DENND1A: variants seen among roughly 807,000 people sequenced by gnomAD.
DENND1A encodes the protein DENN domain-containing protein 1A.
In DENND1A, 51 loss-of-function variants were observed where a neutral mutation model predicts 113.7. That is an observed-to-expected ratio of 0.45 (90% confidence interval 0.36 to 0.57). DENND1A has a LOEUF of 0.57. Ranked by LOEUF, DENND1A falls within the 20% of genes least tolerant of loss-of-function variation. The probability of loss-of-function intolerance (pLI) is 0.00; values close to 1 mark genes in which losing one functional copy is unlikely to be tolerated. For synonymous variants in DENND1A, 565 were observed against 570.8 expected (o/e 0.99, Z 0.14); for missense variants, 1,258 against 1,395.9 (o/e 0.90, Z 1.57).
chr9:123,641,746 A>G (rs745579739), intron 9 of DENND1A, among the ~76,000 whole-genome samples: 1 of 152,166 alleles, frequency 6.6e-6, no homozygotes, highest in Non-Finnish European at 1.5e-5. Context: ...AAGAATAAAT[A>G]TTGTTTTTGT....
chr9:123,841,514 A>G (rs1841833893), intron 2 of DENND1A, among the ~76,000 whole-genome samples: 1 of 152,184 alleles, frequency 6.6e-6, no homozygotes, highest in Non-Finnish European at 1.5e-5. Flanking sequence ...CTGGGTGATC[A>G]CTACCCTCAC....
chr9:123,506,367 A>G (rs894039779), intron 13 of DENND1A, among the ~76,000 whole-genome samples: 1 of 152,096 alleles, frequency 6.6e-6, no homozygotes. Flanking sequence ...GCGGATCACT[A>G]GGTCAAGAGA....
rs1554794433 is a variant in DENND1A, at chr9:123,391,761, G to GAGAAAAA, written c.1632-3904_1632-3903insTTTTTCT. Among the ~76,000 whole-genome samples the GAGAAAAA allele has an allele frequency of 1.6e-4, 18 of 110,380 alleles. 2 individuals carry two copies. In the South Asian group the frequency reaches 5.2e-3, roughly 32 times the overall value. 72.4% of individuals were successfully genotyped at this position (110,380 alleles called of 152,430 possible). On this transcript the variant is annotated intron_variant, in intron 21 of 23. Transcript: ENST00000394215. ...TTTTTATTAGCTTAAGGCAGAATAT[G>GAGAAAAA]AAAAAAAAAAAAAAAAAAAGCACCT... is the stretch of plus-strand genomic sequence containing the variant.
At chr9:123,546,301 C>A (rs2056676255) in intron 13 of DENND1A, among the ~76,000 whole-genome samples, 5 of 152,138 alleles carry the variant, frequency 3.3e-5, no homozygotes, top group Admixed American at 3.3e-4. Context: ...GTAATCCCAG[C>A]ACTTTGGGAG....
intron 9 of DENND1A, among the ~76,000 whole-genome samples, chr9:123,644,802 TTATTCCG>T (rs749715047): frequency 1.3e-5 from 2 of 152,228 alleles, no homozygotes; most frequent in Admixed American, 6.5e-5. Context: ...CTTGGGCAAG[TTATTCCG>T]CCTTTCCAAA....
chr9:123,581,741 C>G (rs909912894), intron 12 of DENND1A, among the ~76,000 whole-genome samples: 3 of 152,198 alleles, frequency 2.0e-5, no homozygotes, highest in Non-Finnish European at 4.4e-5. Flanking sequence ...TGCACCAATG[C>G]CCACCAGGTA....
chr9:123,607,901 G>A (rs1429680239), intron 11 of DENND1A, among the ~76,000 whole-genome samples: 4 of 152,088 alleles, frequency 2.6e-5, no homozygotes, highest in Non-Finnish European at 5.9e-5. Flanking sequence ...GGAGGGAACT[G>A]TGGACTCCGA....
intron 21 of DENND1A, among the ~76,000 whole-genome samples, chr9:123,398,916 T>C (rs899697525): frequency 1.3e-5 from 2 of 151,472 alleles, no homozygotes; most frequent in Non-Finnish European, 2.9e-5. Flanking sequence ...TGCCTCAGCC[T>C]CCCTAGTAAC....
rs565102947 is a variant in DENND1A at position 123,540,740 on chromosome 9, C to T, written c.993+16830G>A. On this transcript the variant is annotated intron_variant, in intron 13 of 23. Transcript: ENST00000394215. ...TACATGCTGCTGACAGCAGGGAGTA[C>T]GGCAAAAATGTTTTCTGTACCCCAG... 7.0e-4 allele frequency among the ~76,000 whole-genome samples: 106 copies of T among 152,106 alleles called. 1 individual carries two copies. Among genetic ancestry groups the T allele is most frequent in the Non-Finnish European group, 1.3e-3 (89 of 68,020 alleles).
intron 2 of DENND1A, among the ~76,000 whole-genome samples, chr9:123,799,782 C>T (rs1834338698): frequency 6.6e-6 from 1 of 152,058 alleles, no homozygotes; most frequent in South Asian, 2.1e-4. Flanking sequence ...CATTAAACAC[C>T]CTGTGTCTCC....
At chr9:123,550,842 T>C (rs1564700357) in intron 13 of DENND1A, among the ~76,000 whole-genome samples, 1 of 152,216 alleles carries the variant, frequency 6.6e-6, no homozygotes, top group African/African-American at 2.4e-5. Context: ...TGCAATCTTC[T>C]ACCATGCAGA....
chr9:123,820,820 T>C (rs1172294880), intron 2 of DENND1A, among the ~76,000 whole-genome samples: 2 of 152,246 alleles, frequency 1.3e-5, no homozygotes, highest in African/African-American at 4.8e-5. Context: ...ATTGATTTTC[T>C]TGTGGAGCTT....
chr9:123,497,240 G>A (rs1335268639), intron 13 of DENND1A, among the ~76,000 whole-genome samples: 1 of 152,194 alleles, frequency 6.6e-6, no homozygotes, highest in East Asian at 1.9e-4. Context: ...GCCCAACACA[G>A]GGCCAGGCAC....
At chr9:123,389,092 C>T (rs751709670) in intron 21 of DENND1A, among the ~76,000 whole-genome samples, 13 of 152,114 alleles carry the variant, frequency 8.5e-5, no homozygotes, top group Non-Finnish European at 1.5e-5. Flanking sequence ...GCAACGTGTC[C>T]AAAAAAAGGA....
chr9:123,806,813 G>A (rs1396459936), intron 2 of DENND1A, among the ~76,000 whole-genome samples: 2 of 152,058 alleles, frequency 1.3e-5, no homozygotes, highest in Non-Finnish European at 2.9e-5. Context: ...AAAAAAAGAA[G>A]GAATGAAGGA....
At chr9:123,545,393 T>C (rs1270527419) in intron 13 of DENND1A, among the ~76,000 whole-genome samples, 1 of 152,036 alleles carries the variant, frequency 6.6e-6, no homozygotes, top group Non-Finnish European at 1.5e-5. Context: ...GATATCATAA[T>C]GTCCTATACA....
intron 11 of DENND1A, among the ~76,000 whole-genome samples, chr9:123,600,051 T>C (rs1188195682): frequency 2.0e-5 from 3 of 152,136 alleles, no homozygotes; most frequent in African/African-American, 4.8e-5. Context: ...GCTCCCACAA[T>C]GGCCCCGCCC....
At chr9:123,402,503 C>A in intron 21 of DENND1A, 2 of 534,828 alleles carry the variant, frequency 3.7e-6, no homozygotes, top group South Asian at 2.8e-5. Flanking sequence ...GAGAGCCAGA[C>A]AGACATGGGG....
At chr9:123,912,198 T>C (rs1390556972) in intron 1 of DENND1A, among the ~76,000 whole-genome samples, 1 of 152,164 alleles carries the variant, frequency 6.6e-6, no homozygotes, top group African/African-American at 2.4e-5. Context: ...ATATGTGTAA[T>C]GGCAGAAGAA....
Sources: allele counts gnomAD v4.1 joint callset (sites outside exome capture counted in the v4.1 genomes callset), GRCh38; gene constraint gnomAD v4.1.1; transcripts MANE v1.5; gene names NCBI Gene and HGNC (gene_info 2026-07-23, HGNC 2026-07-21).